The following DPP6 variants were observed in gnomAD, a reference collection of about 807,000 sequenced individuals.
DPP6 encodes dipeptidyl peptidase like 6, also known as A-type potassium channel modulatory protein DPP6.
A neutral mutation model predicts 122.6 loss-of-function variants in DPP6; 69 were observed. The observed-to-expected ratio is 0.56, with a 90% CI of 0.46 to 0.69. DPP6 has a LOEUF of 0.69. Ranked by LOEUF, DPP6 falls within the 30% of genes least tolerant of loss-of-function variation. The probability of loss-of-function intolerance (pLI) is 0.00; values close to 1 mark genes in which losing one functional copy is unlikely to be tolerated. For missense variants in DPP6, 928 were observed against 1,116.9 expected, an observed-to-expected ratio of 0.83 and a Z score of 2.41; for synonymous variants, 418 against 433.1, an observed-to-expected ratio of 0.97 and a Z score of 0.43.
intron 1 of DPP6, chr7:153,887,768 G>A: frequency 6.2e-7 from 1 of 1,607,760 alleles, no homozygotes; most frequent in Non-Finnish European, 8.5e-7. Flanking sequence ...CGCTGGGTCG[G>A]GGGGACCCAC....
At chr7:154,135,425 A>G (rs549922198) in intron 1 of DPP6, among the ~76,000 whole-genome samples, 3 of 147,544 alleles carry the variant, frequency 2.0e-5, no homozygotes, top group African/African-American at 7.6e-5. Context: ...ACTTCCTAAG[A>G]GAGCATGCTT....
rs67554140 is a variant in DPP6, at chr7:154,443,507, CATGGATGGATGGATGG to C, written c.244-2687_244-2672del. ...ATGGATGGATGTGGATTGACAGATA[CATGGATGGATGGATGG>C]ATGGATGGATGGATGGATGAGTGAA... On this transcript the variant is annotated intron_variant, in intron 1 of 25. Coordinates refer to ENST00000377770, the MANE Select transcript of DPP6 (RefSeq NM_130797.4). 4.8e-5 allele frequency among the ~76,000 whole-genome samples: 7 copies of C among 146,366 alleles called. No individual in the cohort carries two copies. The East Asian group carries it at 8.2e-4, about 17-fold the overall frequency.
At chr7:153,766,005 C>G in the DPP6 span, among the ~76,000 whole-genome samples, 1 of 152,198 alleles carries the variant, frequency 6.6e-6, no homozygotes, top group Non-Finnish European at 1.5e-5. Context: ...ACAAAGCTCC[C>G]AAATGGTGCT....
chr7:153,796,356 G>T, the DPP6 span, among the ~76,000 whole-genome samples: 1 of 141,210 alleles, frequency 7.1e-6, no homozygotes, highest in African/African-American at 2.7e-5. Flanking sequence ...ATTGTGAAAT[G>T]ATCCCTGTAT....
chr7:154,012,493 T>C (rs1376321675), intron 1 of DPP6, among the ~76,000 whole-genome samples: 1 of 152,168 alleles, frequency 6.6e-6, no homozygotes, highest in Non-Finnish European at 1.5e-5. Context: ...TAAAAACTTT[T>C]GTGCATCAAA....
intron 17 of DPP6, among the ~76,000 whole-genome samples, chr7:154,861,264 A>G (rs1258537680): frequency 2.0e-5 from 3 of 152,212 alleles, no homozygotes; most frequent in Non-Finnish European, 1.5e-5. Context: ...TTGAAAAATC[A>G]TGTTTCCCCT....
chr7:154,536,779 A>G (rs1212734933), intron 3 of DPP6, among the ~76,000 whole-genome samples: 4 of 152,224 alleles, frequency 2.6e-5, no homozygotes, highest in African/African-American at 9.6e-5. Context: ...ATGTGACCCA[A>G]TGACTGCAGA....
chr7:154,411,698 A>G (rs1816615610), intron 1 of DPP6, among the ~76,000 whole-genome samples: 1 of 152,140 alleles, frequency 6.6e-6, no homozygotes, highest in African/African-American at 2.4e-5. Context: ...TTTAGGCTCA[A>G]CGATACTTCT....
chr7:154,059,906 GC>G (rs547064009), intron 1 of DPP6, among the ~76,000 whole-genome samples: 389 of 151,940 alleles, frequency 2.6e-3, no homozygotes, highest in African/African-American at 8.7e-3. Flanking sequence ...AGTACAAGAA[GC>G]AAATAAGCTC....
rs146659575 is a variant in DPP6 at position 154,227,895 on chromosome 7, C to T, written c.243+174832C>T. ...TATGCCTGCCTTTTATCCTATGATT[C>T]AGAGCTCTCATTCACTAAAGCTACA... On this transcript the variant is annotated intron_variant, in intron 1 of 25. Coordinates refer to ENST00000377770, the MANE Select transcript of DPP6 (RefSeq NM_130797.4). 1.4e-3 allele frequency among the ~76,000 whole-genome samples: 216 copies of T among 152,296 alleles called. 2 individuals carry two copies. Among genetic ancestry groups the T allele is most frequent in the African/African-American group, 5.1e-3 (211 of 41,562 alleles).
chr7:154,501,024 A>G (rs1239761484), intron 3 of DPP6, among the ~76,000 whole-genome samples: 1 of 152,226 alleles, frequency 6.6e-6, no homozygotes, highest in Non-Finnish European at 1.5e-5. Context: ...AACTGCAGCA[A>G]AGATGACTTT....
chr7:154,634,333 A>T (rs1160433160), intron 5 of DPP6, among the ~76,000 whole-genome samples: 1 of 151,814 alleles, frequency 6.6e-6, no homozygotes, highest in Non-Finnish European at 1.5e-5. Context: ...CCTACAAAGG[A>T]CATGAACTCA....
rs780219021 is a variant in DPP6, at chr7:154,727,818, G to T, written c.814G>T (p.Ala272Ser). ...IYYCAHVGKQ[A>S]IRVVSTGKEG... is the part of the protein sequence containing the mutation. ...CTACTGTGCACATGTCGGGAAACAG[G>T]CCATCCGTGTGGTCTCCACTGGCAA... The change falls in exon 8 of 26, where the codon GCC becomes TCC. Residue 272 changes from alanine to serine, a missense_variant. Transcript: ENST00000377770. 8 of 1,613,732 alleles carry T rather than the reference G, an allele frequency of 5.0e-6. No homozygotes were observed. In the East Asian group the frequency reaches 8.9e-5, roughly 18 times the overall value.
chr7:154,818,245 A>T (rs866494075), intron 16 of DPP6, among the ~76,000 whole-genome samples: 25 of 152,274 alleles, frequency 1.6e-4, no homozygotes, highest in Middle Eastern at 3.4e-3. Flanking sequence ...GCTGTCATGG[A>T]AACTCTCCTG....
At chr7:154,564,727 T>A (rs1374521071) in intron 4 of DPP6, among the ~76,000 whole-genome samples, 1 of 152,216 alleles carries the variant, frequency 6.6e-6, no homozygotes, top group African/African-American at 2.4e-5. Flanking sequence ...TATTTCCAAA[T>A]TCAACCATGT....
At chr7:153,998,882 A>C (rs1344213004) in intron 1 of DPP6, among the ~76,000 whole-genome samples, 1 of 152,248 alleles carries the variant, frequency 6.6e-6, no homozygotes, top group Non-Finnish European at 1.5e-5. Context: ...ATGGAATCCC[A>C]TTGATAGAGA....
chr7:154,559,224 A>T (rs1364852557), intron 4 of DPP6, among the ~76,000 whole-genome samples: 2 of 104,982 alleles, frequency 1.9e-5, no homozygotes, highest in African/African-American at 3.0e-5. Flanking sequence ...TCCAGAGATT[A>T]AAAAAAAAAA....
the DPP6 span, among the ~76,000 whole-genome samples, chr7:153,874,858 A>G: frequency 1.6e-4 from 25 of 152,230 alleles, no homozygotes; most frequent in South Asian, 1.2e-3. Context: ...AAGTAGAAAA[A>G]TGTAGAAAAC....
rs970195474 is a variant in DPP6, at chr7:154,381,101, A to G, written c.244-65113A>G. ...GATCCTGGTGCTGTGAGTGTATCAC[A>G]GGTGATGTGGCAAAGGTGGGCGTGG... On this transcript the variant is annotated intron_variant, in intron 1 of 25. Coordinates refer to ENST00000377770, the MANE Select transcript of DPP6 (RefSeq NM_130797.4). 1.5e-4 allele frequency among the ~76,000 whole-genome samples: 23 copies of G among 152,084 alleles called. 1 individual carries two copies. Among genetic ancestry groups the G allele is most frequent in the African/African-American group, 5.6e-4 (23 of 41,418 alleles).
Sources: gnomAD v4.1 joint callset for allele counts (sites outside exome capture counted in the v4.1 genomes callset) on GRCh38, gnomAD v4.1.1 for gene constraint, MANE v1.5 for transcripts, NCBI Gene and HGNC (gene_info 2026-07-23, HGNC 2026-07-21) for gene names.